Variants in NEB observed in about 807,000 individuals in gnomAD.
NEB encodes nebulin, also known as nemaline myopathy type 2.
NEB carries 512 observed loss-of-function variants against 952.2 expected under a neutral mutation model. The ratio of observed to expected loss-of-function variants is 0.54; its 90% CI spans 0.50 to 0.58. The LOEUF (loss-of-function observed/expected upper bound fraction) is 0.58. Among genes scored for constraint, NEB ranks in the 20% least tolerant of loss-of-function variants. The pLI, the probability that NEB is intolerant of heterozygous loss-of-function variation, is 0.00. For missense variants in NEB, 8,428 were observed against 9,231.1 expected (o/e 0.91, Z 3.56); for synonymous variants, 2,900 against 3,149.8 (o/e 0.92, Z 2.66).
intron 12 of NEB, among the ~76,000 whole-genome samples, chr2:151,707,984 A>G (rs1044954258): frequency 1.3e-5 from 2 of 152,170 alleles, no homozygotes; most frequent in African/African-American, 4.8e-5. Context: ...AAGCAGATTC[A>G]CAAACTTTAC....
chr2:151,548,503 T>C (rs1229155047), intron 130 of NEB, 88 bp from the exon 131 acceptor site: 2 of 946,290 alleles, frequency 2.1e-6, no homozygotes, highest in Non-Finnish European at 3.4e-6. Context: ...ATGTCACCTT[T>C]ATTTGAAAAA....
rs778634159 is a variant in NEB, at chr2:151,665,534, C to T, written c.5037G>A (p.Leu1679=). The T allele has an allele frequency of 2.5e-6, 4 of 1,592,206 alleles. No individual in the cohort carries two copies. Among genetic ancestry groups the T allele is most frequent in the South Asian group, 2.3e-5 (2 of 87,570 alleles). The change falls in exon 42 of 182, where the codon CTG becomes CTA. Residue 1679 remains leucine (L), a synonymous_variant. Transcript: ENST00000397345. The part of the protein sequence containing the change: ...RNAMQIQSDN[L]YKSDFTNWMK... ...TCCAATTGGTGAAGTCAGATTTGTA[C>T]AGATTCTTTACAATGAGAAAAAAAA...
intron 32 of NEB, among the ~76,000 whole-genome samples, chr2:151,678,547 T>C (rs534819552): frequency 2.2e-3 from 331 of 152,368 alleles, no homozygotes; most frequent in South Asian, 8.9e-3. Context: ...AATTACATTG[T>C]GCTACTAGAG....
chr2:151,508,307 C>T (rs1185729291), intron 161 of NEB, among the ~76,000 whole-genome samples, 198 bp from the exon 162 acceptor site: 1 of 152,106 alleles, frequency 6.6e-6, no homozygotes, highest in Non-Finnish European at 1.5e-5. Flanking sequence ...TTTTTCTTTC[C>T]AGGAAAGCTA....
chr2:151,651,866 G>C (rs1013993258), intron 52 of NEB, among the ~76,000 whole-genome samples: 2 of 152,116 alleles, frequency 1.3e-5, no homozygotes, highest in Non-Finnish European at 2.9e-5. Context: ...AAAAAGCAGT[G>C]CCATAGATTT....
intron 39 of NEB, 63 bp downstream of exon 39, chr2:151,668,964 G>A: frequency 8.1e-7 from 1 of 1,235,748 alleles, no homozygotes; most frequent in Non-Finnish European, 1.2e-6. Context: ...CAGAGCAAGA[G>A]TTGCAAAGAA....
At chr2:151,536,589 AT>A (rs2093244111) in intron 141 of NEB, among the ~76,000 whole-genome samples, 1 of 152,196 alleles carries the variant, frequency 6.6e-6, no homozygotes, top group Non-Finnish European at 1.5e-5. Flanking sequence ...ATTCCACAGT[AT>A]TGTAACAAAC....
At chr2:151,550,745 C>G (rs2095270862) in intron 129 of NEB, among the ~76,000 whole-genome samples, 1 of 152,084 alleles carries the variant, frequency 6.6e-6, no homozygotes, top group Non-Finnish European at 1.5e-5. Flanking sequence ...CTGAGGTAAT[C>G]TTTTCACCTC....
In NEB at chr2:151,643,202, A is replaced by G. The variant is rs2098907902; in HGVS notation, c.8108T>C (p.Met2703Thr). The G allele has an allele frequency of 1.2e-6, 2 of 1,613,832 alleles. No homozygotes were observed. The highest frequency in any genetic ancestry group is 1.3e-5 in the African/African-American group (1 of 74,944). The change falls in exon 58 of 182, where the codon ATG becomes ACG. Residue 2703 changes from methionine to threonine, a missense_variant. By Grantham distance (81) the Met-to-Thr change is moderately conservative (BLOSUM62 -1). This residue lies in a region of NEB where 1,772 missense variants were observed against 1,960.3 expected (regional missense o/e 0.90). Coordinates refer to ENST00000397345, the MANE Select transcript of NEB (RefSeq NM_001164508.2). ...TGCCAAAACCATTGGTATGGAATCCATAAGGCTGGAAAACTTAAATTGATC... is the reference window on the plus strand; with the variant it reads ...TGCCAAAACCATTGGTATGGAATCCGTAAGGCTGGAAAACTTAAATTGATC... ...HPDQFKFSSL[M>T]DSIPMVLAKN...
At chr2:151,720,571 T>G (rs1201164281) in intron 9 of NEB, among the ~76,000 whole-genome samples, 1 of 152,248 alleles carries the variant, frequency 6.6e-6, no homozygotes, top group Non-Finnish European at 1.5e-5. Flanking sequence ...TCAAAACATG[T>G]GGCCAACTTT....
chr2:151,627,584 G>A lies in NEB; in HGVS notation c.10082C>T (p.Thr3361Met), dbSNP rs745706462. The change falls in exon 69 of 182, where the codon ACG becomes ATG. Residue 3361 changes from threonine to methionine, a missense_variant. By Grantham distance (81) the Thr-to-Met change is moderately conservative. Coordinates refer to ENST00000397345, the MANE Select transcript of NEB (RefSeq NM_001164508.2). ...VDYKNYLHEW[T>M]CLPDQNDVIH... Reference sequence around the variant, plus strand: ...GACATCATTCTGGTCGGGCAGGCACGTCCACTCGTGCAGGTAGTTCTTGTA... The same window carrying A: ...GACATCATTCTGGTCGGGCAGGCACATCCACTCGTGCAGGTAGTTCTTGTA... 7.4e-6 allele frequency: 12 copies of A among 1,613,984 alleles called. No homozygotes were observed. The highest frequency in any genetic ancestry group is 1.6e-4 in the Middle Eastern group (1 of 6,062).
At chr2:151,690,987 CTCTT>C (rs1284861319) in intron 23 of NEB, among the ~76,000 whole-genome samples, 162 bp from the exon 24 acceptor site, 2 of 152,054 alleles carry the variant, frequency 1.3e-5, no homozygotes, top group Non-Finnish European at 2.9e-5. Flanking sequence ...CTCTCTCTCT[CTCTT>C]TTTCCTTTAA....
At chr2:151,487,355 C>G (rs2051596745) in intron 181 of NEB, among the ~76,000 whole-genome samples, 1 of 152,126 alleles carries the variant, frequency 6.6e-6, no homozygotes, top group African/African-American at 2.4e-5. Context: ...TGGATGTAAC[C>G]TATATGGTTT....
chr2:151,493,750 G>GATTT (rs1574762318), intron 175 of NEB, 25 bp downstream of exon 175: 2 of 1,474,330 alleles, frequency 1.4e-6, no homozygotes, highest in African/African-American at 1.4e-5. Flanking sequence ...AGATTTTAAG[G>GATTT]ATTTATTTTT....
chr2:151,612,071 G>A, intron 78 of NEB, 115 bp downstream of exon 78: 2 of 1,085,918 alleles, frequency 1.8e-6, no homozygotes, highest in Non-Finnish European at 2.7e-6. Context: ...AGGCCTGCAT[G>A]AGAATCAGGC....
intron 179 of NEB, 100 bp downstream of exon 179, chr2:151,491,583 A>C (rs1013923835): frequency 7.0e-6 from 7 of 1,005,856 alleles, no homozygotes; most frequent in Non-Finnish European, 1.1e-5. Flanking sequence ...GAAAATGGAA[A>C]ACTCTGGAGG....
chr2:151,662,075 G>T, intron 46 of NEB, 60 bp downstream of exon 46: 3 of 1,438,300 alleles, frequency 2.1e-6, no homozygotes, highest in Non-Finnish European at 2.9e-6. Context: ...TGGATTAAAT[G>T]TAAATTATAC....
intron 60 of NEB, among the ~76,000 whole-genome samples, chr2:151,641,161 A>G (rs1474686092): frequency 6.6e-6 from 1 of 152,218 alleles, no homozygotes; most frequent in South Asian, 2.1e-4. Context: ...CAGAAAAAAA[A>G]GAAAAATTAA....
chr2:151,563,831 T>C lies in NEB; in HGVS notation c.18571A>G (p.Asn6191Asp). 6.2e-7 allele frequency: 1 copy of C among 1,613,460 alleles called. No individual in the cohort carries two copies. Among genetic ancestry groups the C allele is most frequent in the Non-Finnish European group, 8.5e-7 (1 of 1,179,600 alleles). ...IVGAKHADLVNSELKYKETYE... is the reference protein window; with the variant it reads ...IVGAKHADLVDSELKYKETYE... ...GAAAAGGTCATACTGACCTCACTGT[T>C]CACCAGATCAGCATGCTTGGCTCCA... Residue 6191 changes from asparagine (N) to aspartate (D), a missense_variant, in exon 118 of 182, where the codon AAC becomes GAC. Coordinates refer to ENST00000397345, the MANE Select transcript of NEB (RefSeq NM_001164508.2).
Sources: allele counts gnomAD v4.1 joint callset (sites outside exome capture counted in the v4.1 genomes callset), GRCh38; gene constraint gnomAD v4.1.1; regional missense constraint gnomAD v4.1.1; transcripts MANE v1.5; gene names NCBI Gene and HGNC (gene_info 2026-07-23, HGNC 2026-07-21).